BMPR1B: variants seen among roughly 807,000 people sequenced by gnomAD.
BMPR1B encodes bone morphogenetic protein receptor type-1B.
A neutral mutation model predicts 59.1 loss-of-function variants in BMPR1B; 12 were observed. The observed-to-expected ratio is 0.20, with a 90% CI of 0.13 to 0.33. The LOEUF (loss-of-function observed/expected upper bound fraction) is 0.33. BMPR1B is among the 10% of genes least tolerant of loss of function. The probability of loss-of-function intolerance (pLI) is 1.00; values close to 1 mark genes in which losing one functional copy is unlikely to be tolerated. For synonymous variants in BMPR1B, 237 were observed against 207.3 expected, an observed-to-expected ratio of 1.14 and a Z score of -1.23; for missense variants, 550 against 610.9, an observed-to-expected ratio of 0.90 and a Z score of 1.05.
intron 1 of BMPR1B, among the ~76,000 whole-genome samples, chr4:94,869,872 C>A (rs1726410686): frequency 6.6e-6 from 1 of 152,148 alleles, no homozygotes; most frequent in Admixed American, 6.5e-5. Context: ...GCACCACTTT[C>A]CCCCTTGAGG....
rs946485155 is a variant in BMPR1B, at chr4:94,758,086, G to A, written c.-183+18G>A. ...AGCCGCGGGTAAGGCGCGCGCGGCGGGGCCCCGTCCCCTGCGGGTGGCCGA... is the reference window on the plus strand; with the variant it reads ...AGCCGCGGGTAAGGCGCGCGCGGCGAGGCCCCGTCCCCTGCGGGTGGCCGA... On this transcript the variant is annotated intron_variant, in intron 1 of 12. Coordinates refer to ENST00000515059, the MANE Select transcript of BMPR1B (RefSeq NM_001203.3). 1 of 148,506 alleles carries A rather than the reference G, an allele frequency of 6.7e-6. No homozygotes were observed. The highest frequency in any genetic ancestry group is 1.5e-5 in the Non-Finnish European group (1 of 66,324). The allele number at this position is 148,506 out of a possible 1,614,324, so 9.2% of individuals were successfully genotyped here.
chr4:95,059,234 G>A (rs2149201423), intron 3 of BMPR1B, among the ~76,000 whole-genome samples: 1 of 152,270 alleles, frequency 6.6e-6, no homozygotes, highest in African/African-American at 2.4e-5. Context: ...TAGAAGAAGG[G>A]TAGATGCCAC....
At chr4:95,107,702 A>G (rs951560172) in intron 4 of BMPR1B, among the ~76,000 whole-genome samples, 3 of 152,124 alleles carry the variant, frequency 2.0e-5, no homozygotes, top group Non-Finnish European at 2.9e-5. Flanking sequence ...GTAATTTTCC[A>G]TAGTTATGAT....
At chr4:94,759,101 C>T (rs1578610914) in intron 1 of BMPR1B, among the ~76,000 whole-genome samples, 1 of 152,222 alleles carries the variant, frequency 6.6e-6, no homozygotes, top group African/African-American at 2.4e-5. Context: ...GCGGGTCTTA[C>T]TTCTTTAGAG....
At chr4:94,944,869 T>C (rs1729651325) in intron 2 of BMPR1B, among the ~76,000 whole-genome samples, 1 of 152,228 alleles carries the variant, frequency 6.6e-6, no homozygotes, top group Non-Finnish European at 1.5e-5. Flanking sequence ...TTCCAGCTTT[T>C]TTCCGTGACA....
At chr4:94,981,925 C>G (rs1276842803) in intron 2 of BMPR1B, among the ~76,000 whole-genome samples, 1 of 152,076 alleles carries the variant, frequency 6.6e-6, no homozygotes, top group Non-Finnish European at 1.5e-5. Flanking sequence ...AATGATATGC[C>G]CTTTCAGCAG....
At chr4:94,970,326 T>TCTCTC (rs1730739505) in intron 2 of BMPR1B, among the ~76,000 whole-genome samples, 1 of 107,514 alleles carries the variant, frequency 9.3e-6, no homozygotes, top group Non-Finnish European at 2.0e-5. Context: ...CTTTCTCTCT[T>TCTCTC]TTTCTCTTTC....
intron 2 of BMPR1B, among the ~76,000 whole-genome samples, chr4:94,890,691 T>C (rs1027096962): frequency 6.6e-6 from 1 of 152,084 alleles, no homozygotes; most frequent in Non-Finnish European, 1.5e-5. Flanking sequence ...GAGGTCTCTC[T>C]TTCTAGCTTA....
intron 2 of BMPR1B, among the ~76,000 whole-genome samples, chr4:94,974,037 T>A (rs970866637): frequency 2.0e-5 from 3 of 152,186 alleles, no homozygotes; most frequent in East Asian, 1.9e-4. Flanking sequence ...AGTGTAAGAA[T>A]GTGCTTTTTG....
chr4:94,987,056 ATATATAATATAT>A (rs1721455122), intron 2 of BMPR1B, among the ~76,000 whole-genome samples: 1 of 144,624 alleles, frequency 6.9e-6, no homozygotes, highest in Non-Finnish European at 1.5e-5. Context: ...AAATATATAT[ATATATAATATAT>A]AATATTTATG....
At chr4:94,948,592 T>C (rs941360096) in intron 2 of BMPR1B, among the ~76,000 whole-genome samples, 1 of 152,196 alleles carries the variant, frequency 6.6e-6, no homozygotes, top group African/African-American at 2.4e-5. Flanking sequence ...TTGTAGCTCC[T>C]GTTTTTGAGG....
chr4:94,844,195 A>G (rs1477921987), intron 1 of BMPR1B, among the ~76,000 whole-genome samples: 1 of 151,738 alleles, frequency 6.6e-6, no homozygotes, highest in Non-Finnish European at 1.5e-5. Flanking sequence ...AAAAGAAACT[A>G]ATGTAGCCAT....
chr4:94,988,867 G>A (rs1269588409), intron 2 of BMPR1B, among the ~76,000 whole-genome samples: 7 of 150,014 alleles, frequency 4.7e-5, no homozygotes, highest in Non-Finnish European at 1.0e-4. Flanking sequence ...TTTTTTTTGG[G>A]AAAAGAAAAG....
chr4:94,847,279 C>G (rs1387435983), intron 1 of BMPR1B, among the ~76,000 whole-genome samples: 6 of 152,104 alleles, frequency 3.9e-5, no homozygotes, highest in African/African-American at 1.4e-4. Context: ...AAAAAACAGG[C>G]AGTAACAAAT....
chr4:94,866,703 G>A (rs1393785053), intron 1 of BMPR1B, among the ~76,000 whole-genome samples: 1 of 152,066 alleles, frequency 6.6e-6, no homozygotes, highest in Non-Finnish European at 1.5e-5. Context: ...TCCTGCTTCA[G>A]CCTCCCAAGT....
At chr4:95,041,550 G>T (rs1314654982) in intron 3 of BMPR1B, among the ~76,000 whole-genome samples, 2 of 150,832 alleles carry the variant, frequency 1.3e-5, no homozygotes, top group Non-Finnish European at 2.9e-5. Flanking sequence ...TGGTAGTCAT[G>T]TTTGCTGAGT....
chr4:94,990,869 C>T (rs1019507589), intron 2 of BMPR1B, among the ~76,000 whole-genome samples: 3 of 152,116 alleles, frequency 2.0e-5, no homozygotes, highest in Non-Finnish European at 2.9e-5. Context: ...TCTTCGTGGC[C>T]GAACTTTTTG....
In BMPR1B at chr4:94,840,977, T is replaced by C. The variant is rs546134780; in HGVS notation, c.-182-34854T>C. ...CCTTTCTGTTTGTTAGTTTTCCTTC[T>C]AACAGACAGGACCCTCAGCTGCAGG... On this transcript the variant is annotated intron_variant, in intron 1 of 12. Transcript: ENST00000515059. 2.0e-5 allele frequency among the ~76,000 whole-genome samples: 3 copies of C among 146,940 alleles called. 1 individual carries two copies. In the South Asian group the frequency reaches 6.6e-4, roughly 32 times the overall value.
At chr4:95,110,552 C>G (rs1344918072) in intron 4 of BMPR1B, among the ~76,000 whole-genome samples, 1 of 152,076 alleles carries the variant, frequency 6.6e-6, no homozygotes, top group Non-Finnish European at 1.5e-5. Flanking sequence ...TATATTCCGT[C>G]CACTGCTATG....
Sources: allele counts gnomAD v4.1 joint callset (sites outside exome capture counted in the v4.1 genomes callset), GRCh38; gene constraint gnomAD v4.1.1; transcripts MANE v1.5; gene names NCBI Gene and HGNC (gene_info 2026-07-23, HGNC 2026-07-21).